The following BRINP3 variants were observed in gnomAD, a reference collection of about 807,000 sequenced individuals.
BRINP3 encodes the protein BMP/retinoic acid inducible neural specific 3, also known as BMP/retinoic acid-inducible neural-specific protein 3.
A neutral mutation model predicts 71.0 loss-of-function variants in BRINP3; 19 were observed. The observed-to-expected ratio is 0.27, with a 90% CI of 0.19 to 0.39. The LOEUF (loss-of-function observed/expected upper bound fraction) is 0.39, where lower values mean the gene tolerates loss of function less well. Among genes scored for constraint, BRINP3 ranks in the 10% least tolerant of loss-of-function variants. The pLI is 1.00. For synonymous variants in BRINP3, 380 were observed against 337.7 expected, an observed-to-expected ratio of 1.13 and a Z score of -1.37; for missense variants, 959 against 940.8, an observed-to-expected ratio of 1.02 and a Z score of -0.25.
chr1:190,432,238 G>A (rs1310027913), intron 2 of BRINP3, among the ~76,000 whole-genome samples: 1 of 152,038 alleles, frequency 6.6e-6, no homozygotes, highest in East Asian at 1.9e-4. Flanking sequence ...AACAGAAATT[G>A]CATCTTCAAC....
intron 7 of BRINP3, among the ~76,000 whole-genome samples, chr1:190,110,444 A>AG (rs1279699242): frequency 6.6e-6 from 1 of 152,216 alleles, no homozygotes; most frequent in Non-Finnish European, 1.5e-5. Flanking sequence ...TTGGAAAAAA[A>AG]TGTGAGCTGC....
chr1:190,369,653 TA>T (rs36085995), intron 2 of BRINP3, among the ~76,000 whole-genome samples: 2 of 151,182 alleles, frequency 1.3e-5, no homozygotes, highest in Admixed American at 6.6e-5. Flanking sequence ...TGCATAGACT[TA>T]AAAAAAAGTA....
chr1:190,396,323 T>C (rs1410487036), intron 2 of BRINP3, among the ~76,000 whole-genome samples: 1 of 151,858 alleles, frequency 6.6e-6, no homozygotes, highest in African/African-American at 2.4e-5. Context: ...AAGAAAGTTA[T>C]ACAGTTTACA....
intron 5 of BRINP3, among the ~76,000 whole-genome samples, chr1:190,227,154 C>G (rs1657467237): frequency 6.6e-6 from 1 of 151,582 alleles, no homozygotes; most frequent in African/African-American, 2.4e-5. Context: ...GAATACAAAG[C>G]TAAGGAAAAA....
intron 7 of BRINP3, among the ~76,000 whole-genome samples, chr1:190,118,684 C>T (rs1447090364): frequency 6.6e-6 from 1 of 152,204 alleles, no homozygotes; most frequent in African/African-American, 2.4e-5. Context: ...CTTAAGACTG[C>T]CTTTCCACAA....
intron 6 of BRINP3, among the ~76,000 whole-genome samples, chr1:190,172,327 C>A (rs529529070): frequency 6.6e-6 from 1 of 151,254 alleles, no homozygotes; most frequent in African/African-American, 2.4e-5. Context: ...TTATTTTTAT[C>A]ATGTTATGTT....
At chr1:190,126,579 C>T (rs1271490062) in intron 7 of BRINP3, among the ~76,000 whole-genome samples, 1 of 151,864 alleles carries the variant, frequency 6.6e-6, no homozygotes. Flanking sequence ...AGTTCACTGA[C>T]GATGCTCAGT....
chr1:190,286,154 C>T (rs983664059), intron 2 of BRINP3, among the ~76,000 whole-genome samples: 2 of 152,028 alleles, frequency 1.3e-5, no homozygotes, highest in Admixed American at 6.6e-5. Flanking sequence ...CTCTAAGGAG[C>T]CTCTATTTGT....
chr1:190,385,894 T>C (rs1401868348), intron 2 of BRINP3, among the ~76,000 whole-genome samples: 3 of 146,814 alleles, frequency 2.0e-5, no homozygotes, highest in African/African-American at 7.5e-5. Flanking sequence ...TGGAATACTA[T>C]GCAGCCATAA....
At chr1:190,227,503 T>C (rs1657508803) in intron 5 of BRINP3, among the ~76,000 whole-genome samples, 1 of 151,860 alleles carries the variant, frequency 6.6e-6, no homozygotes, top group African/African-American at 2.4e-5. Flanking sequence ...GAAATTTATT[T>C]GTCACAGAGA....
At chr1:190,249,574 T>C (rs999366292) in intron 4 of BRINP3, among the ~76,000 whole-genome samples, 1 of 151,838 alleles carries the variant, frequency 6.6e-6, no homozygotes, top group Admixed American at 6.6e-5. Context: ...AAAATAGTAA[T>C]ATATTATGTC....
intron 6 of BRINP3, among the ~76,000 whole-genome samples, chr1:190,196,578 G>A (rs986036866): frequency 2.0e-5 from 3 of 151,976 alleles, no homozygotes; most frequent in Non-Finnish European, 2.9e-5. Flanking sequence ...TAAAGCAATG[G>A]GTAAACATAA....
intron 2 of BRINP3, among the ~76,000 whole-genome samples, chr1:190,340,575 A>C (rs1667590512): frequency 6.6e-6 from 1 of 151,894 alleles, no homozygotes; most frequent in Non-Finnish European, 1.5e-5. Flanking sequence ...TGACCAAGCA[A>C]GTCTGTGTTC....
At chr1:190,244,166 A>C (rs564615886) in intron 4 of BRINP3, among the ~76,000 whole-genome samples, 1 of 152,202 alleles carries the variant, frequency 6.6e-6, no homozygotes, top group South Asian at 2.1e-4. Flanking sequence ...CGTGGAAACA[A>C]TTTTCTTCCA....
At chr1:190,120,809 A>G (rs1653582602) in intron 7 of BRINP3, among the ~76,000 whole-genome samples, 1 of 151,872 alleles carries the variant, frequency 6.6e-6, no homozygotes, top group East Asian at 1.9e-4. Flanking sequence ...GCCCAAACCT[A>G]TTTTTTGTTA....
intron 3 of BRINP3, among the ~76,000 whole-genome samples, chr1:190,269,347 C>G (rs1372820802): frequency 6.6e-6 from 1 of 151,990 alleles, no homozygotes; most frequent in East Asian, 1.9e-4. Context: ...GAGGAAAGTT[C>G]ATGAAAATAC....
At chr1:190,273,590 C>T (rs1255742025) in intron 3 of BRINP3, among the ~76,000 whole-genome samples, 3 of 151,484 alleles carry the variant, frequency 2.0e-5, no homozygotes, top group Non-Finnish European at 4.4e-5. Flanking sequence ...CAAAAAATCA[C>T]CATTTTAATG....
chr1:190,248,703 G>A (rs1178512129), intron 4 of BRINP3, among the ~76,000 whole-genome samples: 1 of 151,408 alleles, frequency 6.6e-6, no homozygotes, highest in African/African-American at 2.4e-5. Context: ...GAGTCTGTGA[G>A]TTTATATGGA....
At chr1:190,191,094 C>A (rs1378856584) in intron 6 of BRINP3, among the ~76,000 whole-genome samples, 1 of 152,052 alleles carries the variant, frequency 6.6e-6, no homozygotes, top group African/African-American at 2.4e-5. Flanking sequence ...AAGAGGCAAC[C>A]TCCCTCACTT....
Sources: allele counts gnomAD v4.1 joint callset (sites outside exome capture counted in the v4.1 genomes callset), GRCh38; gene constraint gnomAD v4.1.1; transcripts MANE v1.5; gene names NCBI Gene and HGNC (gene_info 2026-07-23, HGNC 2026-07-21).